The following OR56A1 variants were observed in gnomAD, a reference collection of about 807,000 sequenced individuals.
The protein encoded by OR56A1 is olfactory receptor 56A1.
For synonymous variants in OR56A1, 174 were observed against 159.1 expected (o/e 1.09, Z -0.70); for missense variants, 360 against 380.9 (o/e 0.94, Z 0.46).
Position 6,025,095 on chromosome 11 carries a change from GCTGCCTCTAAACATGATGT to G in OR56A1, c.*1634_*1652del, listed in dbSNP as rs1046301604. On this transcript the variant is annotated 3_prime_UTR_variant, in exon 2 of 2. Transcript: ENST00000641900. ...TGTCAATTCCTTCATAGCTATGAAT[GCTGCCTCTAAACATGATGT>G]CATGTTTCTCCACCCACCTGCACTA... The G allele has an allele frequency of 6.6e-6, 1 of 152,182 alleles. No homozygotes were observed. Among genetic ancestry groups the G allele is most frequent in the Non-Finnish European group, 1.5e-5 (1 of 68,044 alleles). The allele number at this position is 152,182 out of a possible 1,614,324, so 9.4% of individuals were successfully genotyped here.
chr11:6,020,109 T>A lies in OR56A1; in HGVS notation c.*6639A>T, dbSNP rs1387809893. On this transcript the variant is annotated 3_prime_UTR_variant, in exon 2 of 2. Transcript: ENST00000641900. ...GTATCTCTCCTCCCCCACCACATAC[T>A]AACAACGGCATCTCTTGACAGACCA... 1.3e-5 allele frequency: 2 copies of A among 152,086 alleles called. No individual in the cohort carries two copies. Among genetic ancestry groups the A allele is most frequent in the Non-Finnish European group, 2.9e-5 (2 of 67,964 alleles). 9.4% of individuals were successfully genotyped at this position (152,086 alleles called of 1,614,324 possible).
chr11:6,022,255 T>C lies in OR56A1; in HGVS notation c.*4493A>G, dbSNP rs1248670330. On this transcript the variant is annotated 3_prime_UTR_variant, in exon 2 of 2. Coordinates refer to ENST00000641900, the MANE Select transcript of OR56A1 (RefSeq NM_001388488.1). ...CTTACAAAATCCTGCATATTCTTTCTCTTTCTGGCTTGCCACCCAGATTCA... is the reference window on the plus strand; with the variant it reads ...CTTACAAAATCCTGCATATTCTTTCCCTTTCTGGCTTGCCACCCAGATTCA... The C allele has an allele frequency of 1.3e-5, 2 of 152,112 alleles. No individual in the cohort carries two copies. The highest frequency in any genetic ancestry group is 4.8e-5 in the African/African-American group (2 of 41,428). 9.4% of individuals were successfully genotyped at this position (152,112 alleles called of 1,614,324 possible).
chr11:6,024,178 G>A lies in OR56A1; in HGVS notation c.*2570C>T, dbSNP rs1340118417. On this transcript the variant is annotated 3_prime_UTR_variant, in exon 2 of 2. Transcript: ENST00000641900. ...TAGCCAATTCAATATCATAAGTAAG[G>A]AAATGTTTACTGAGCCCCTCAATAT... is the stretch of plus-strand genomic sequence containing the variant. 5.9e-5 allele frequency: 9 copies of A among 152,186 alleles called. No homozygotes were observed. The South Asian group carries it at 1.2e-3, about 21-fold the overall frequency. The allele number at this position is 152,186 out of a possible 1,614,324, so 9.4% of individuals were successfully genotyped here.
chr11:6,033,597 AC>A (rs1348105666), upstream of OR56A1, among the ~76,000 whole-genome samples: 2 of 151,712 alleles, frequency 1.3e-5, no homozygotes, highest in African/African-American at 4.8e-5. Context: ...AAACTGAGAC[AC>A]AGTCATATAG....
At chr11:6,030,611 C>T (rs1848503296) in intron 1 of OR56A1, 91 bp downstream of exon 1, 1 of 152,214 alleles carries the variant, frequency 6.6e-6, no homozygotes, top group Non-Finnish European at 1.5e-5. Context: ...TTCAGCCACA[C>T]CGTCCTTTCA....
In OR56A1 at chr11:6,021,534, TTAAA is replaced by T. The variant is rs1184206351; in HGVS notation, c.*5210_*5213del. 2.0e-5 allele frequency: 3 copies of T among 152,062 alleles called. No individual in the cohort carries two copies. Among genetic ancestry groups the T allele is most frequent in the Non-Finnish European group, 4.4e-5 (3 of 67,972 alleles). The allele number at this position is 152,062 out of a possible 1,614,324, so 9.4% of individuals were successfully genotyped here. On this transcript the variant is annotated 3_prime_UTR_variant, in exon 2 of 2. Transcript: ENST00000641900. Reference sequence around the variant, plus strand: ...TATGTATCAATTTTAAAATGAATAATTAAATAAAAAATTATTTAAAGTACTGATA... The same window carrying T: ...TATGTATCAATTTTAAAATGAATAATTAAAAAATTATTTAAAGTACTGATA...
chr11:6,026,837 T>C lies in OR56A1; in HGVS notation c.856A>G (p.Ile286Val). 1.9e-6 allele frequency: 3 copies of C among 1,614,166 alleles called. No individual in the cohort carries two copies. The highest frequency in any genetic ancestry group is 2.2e-5 in the East Asian group (1 of 44,890). ...LILLNVLHHL[I>V]PPALNPIVYG... Reference sequence around the variant, plus strand: ...ACAATAGGGTTCAATGCAGGAGGAATAAGGTGATGAAGGACGTTCAGCAGG... The same window carrying C: ...ACAATAGGGTTCAATGCAGGAGGAACAAGGTGATGAAGGACGTTCAGCAGG... The change falls in exon 2 of 2, where the codon ATT (isoleucine) becomes GTT (valine). Residue 286 changes from isoleucine to valine, a missense_variant. Ile to Val is a conservative substitution (Grantham distance 29). Transcript: ENST00000641900.
rs1055870282 is a variant in OR56A1 at position 6,021,827 on chromosome 11, C to T, written c.*4921G>A. The T allele has an allele frequency of 6.6e-6, 1 of 152,010 alleles. No individual in the cohort carries two copies. The highest frequency in any genetic ancestry group is 1.5e-5 in the Non-Finnish European group (1 of 67,956). 9.4% of individuals were successfully genotyped at this position (152,010 alleles called of 1,614,324 possible). A position where few individuals can be genotyped will look rare whatever the true frequency, so the allele number is the denominator to read the frequency against. On this transcript the variant is annotated 3_prime_UTR_variant, in exon 2 of 2. Coordinates refer to ENST00000641900, the MANE Select transcript of OR56A1 (RefSeq NM_001388488.1). ...CAATGTCTAGTCAAGAAACTTGTCC[C>T]CCTCTCAGTAAGTAAAAATATTGCA...
Position 6,026,853 on chromosome 11 carries a change from G to A in OR56A1, c.840C>T (p.Asn280=), listed in dbSNP as rs369193152. 48 of 1,613,916 alleles carry A rather than the reference G, an allele frequency of 3.0e-5. No homozygotes were observed. The highest frequency in any genetic ancestry group is 3.6e-5 in the Non-Finnish European group (42 of 1,179,850). Residue 280 remains asparagine, a synonymous_variant, in exon 2 of 2, where the codon AAC becomes AAT. Transcript: ENST00000641900. The part of the protein sequence containing the change: ...KVPMDILILL[N]VLHHLIPPAL... ...CAGGAGGAATAAGGTGATGAAGGACGTTCAGCAGGATCAGGATGTCCATGG... is the reference window on the plus strand; with the variant it reads ...CAGGAGGAATAAGGTGATGAAGGACATTCAGCAGGATCAGGATGTCCATGG...
chr11:6,026,647 T>G lies in OR56A1; in HGVS notation c.*101A>C. The G allele has an allele frequency of 1.4e-6, 1 of 731,038 alleles. No individual in the cohort carries two copies. Among genetic ancestry groups the G allele is most frequent in the Non-Finnish European group, 2.3e-6 (1 of 429,720 alleles). 45.3% of individuals were successfully genotyped at this position (731,038 alleles called of 1,614,324 possible). ...GGTTCAGTAATGAAGGGAGCCTCAG[T>G]GCATGCAATAAACACTCACTAACTG... On this transcript the variant is annotated 3_prime_UTR_variant, in exon 2 of 2. Coordinates refer to ENST00000641900, the MANE Select transcript of OR56A1 (RefSeq NM_001388488.1).
chr11:6,032,957 A>C (rs1288396663), upstream of OR56A1, among the ~76,000 whole-genome samples: 1 of 152,064 alleles, frequency 6.6e-6, no homozygotes, highest in South Asian at 2.1e-4. Context: ...CTCATCCCCC[A>C]ACATTCTATT....
chr11:6,032,943 G>A (rs1848526558), upstream of OR56A1, among the ~76,000 whole-genome samples: 2 of 151,998 alleles, frequency 1.3e-5, no homozygotes, highest in African/African-American at 4.8e-5. Context: ...CCCTCTGTTT[G>A]AACCTCATCC....
Position 6,030,701 on chromosome 11 carries a change from C to T in OR56A1, c.-35+1G>A, listed in dbSNP as rs576113525. On this transcript the variant is annotated splice_donor_variant, in intron 1 of 1. Coordinates refer to ENST00000641900, the MANE Select transcript of OR56A1 (RefSeq NM_001388488.1). LOFTEE classifies it low-confidence loss of function (5UTR_SPLICE). ...ATCTTATGCTTCTACACAACACTTA[C>T]TTTCTCCTCATCCTTTACATCTCAA... 2.6e-5 allele frequency: 4 copies of T among 152,314 alleles called. No homozygotes were observed. In the East Asian group the frequency reaches 7.7e-4, roughly 29 times the overall value. The allele number at this position is 152,314 out of a possible 1,614,324, so 9.4% of individuals were successfully genotyped here. A position where few individuals can be genotyped will look rare whatever the true frequency, so the allele number is the denominator to read the frequency against.
rs1452084912 is a variant in OR56A1 at position 6,025,370 on chromosome 11, C to T, written c.*1378G>A. The T allele has an allele frequency of 6.6e-6, 1 of 152,230 alleles. No individual in the cohort carries two copies. Among genetic ancestry groups the T allele is most frequent in the Non-Finnish European group, 1.5e-5 (1 of 68,052 alleles). The allele number at this position is 152,230 out of a possible 1,614,324, so 9.4% of individuals were successfully genotyped here. On this transcript the variant is annotated 3_prime_UTR_variant, in exon 2 of 2. Coordinates refer to ENST00000641900, the MANE Select transcript of OR56A1 (RefSeq NM_001388488.1). ...CTGTCTCTCTCTGAGTTTCTACCTACAGAGAGCAACAGAAACATTAGAAGG... is the reference window on the plus strand; with the variant it reads ...CTGTCTCTCTCTGAGTTTCTACCTATAGAGAGCAACAGAAACATTAGAAGG...
chr11:6,033,634 C>A (rs1848532814), upstream of OR56A1, among the ~76,000 whole-genome samples: 2 of 151,734 alleles, frequency 1.3e-5, no homozygotes, highest in South Asian at 4.2e-4. Flanking sequence ...AGGCATTGCT[C>A]TCTACTGAAG....
rs1848377691 is a variant in OR56A1 at position 6,019,901 on chromosome 11, C to T, written c.*6847G>A. ...ACCTTGATCCCTCTCTTGGCTCTAT[C>T]CACAGGCAAACCAGCATTTACTTTT... On this transcript the variant is annotated 3_prime_UTR_variant, in exon 2 of 2. Transcript: ENST00000641900. The T allele has an allele frequency of 6.6e-6, 1 of 152,096 alleles. No homozygotes were observed. Among genetic ancestry groups the T allele is most frequent in the Non-Finnish European group, 1.5e-5 (1 of 67,974 alleles). The allele number at this position is 152,096 out of a possible 1,614,324, so 9.4% of individuals were successfully genotyped here. A position where few individuals can be genotyped will look rare whatever the true frequency, so the allele number is the denominator to read the frequency against.
chr11:6,034,287 G>A (rs1008379011), upstream of OR56A1: 1 of 152,272 alleles, frequency 6.6e-6, no homozygotes, highest in Non-Finnish European at 1.5e-5. Context: ...GACTTACAGA[G>A]GATGCAAAAG....
intron 1 of OR56A1, among the ~76,000 whole-genome samples, chr11:6,029,144 G>A (rs1848488621): frequency 6.6e-6 from 1 of 152,134 alleles, no homozygotes; most frequent in Non-Finnish European, 1.5e-5. Flanking sequence ...GGTGAGGCGG[G>A]TGAGAGGGGG....
At chr11:6,031,652 C>T (rs1044662689), upstream of OR56A1, among the ~76,000 whole-genome samples, 7 of 152,146 alleles carry the variant, frequency 4.6e-5, no homozygotes, top group Non-Finnish European at 8.8e-5. Flanking sequence ...AAATAAGTTG[C>T]ATCACCAAGA....
Sources: allele counts gnomAD v4.1 joint callset (sites outside exome capture counted in the v4.1 genomes callset), GRCh38; gene constraint gnomAD v4.1.1; transcripts MANE v1.5; gene names NCBI Gene and HGNC (gene_info 2026-07-23, HGNC 2026-07-21).